APEX1: variants seen among roughly 807,000 people sequenced by gnomAD.
The protein encoded by APEX1 is apurinic/apyrimidinic endodeoxyribonuclease 1, also known as DNA repair nuclease/redox regulator APEX1.
Under a neutral mutation model 33.2 loss-of-function variants are expected in APEX1, and 32 were observed. The ratio of observed to expected loss-of-function variants is 0.96; its 90% CI spans 0.73 to 1.29. The LOEUF is 1.29. APEX1 is among the 50% of genes most tolerant of loss of function. The probability of loss-of-function intolerance (pLI) is 0.00; values close to 1 mark genes in which losing one functional copy is unlikely to be tolerated. For synonymous variants in APEX1, 175 were observed against 156.6 expected, an observed-to-expected ratio of 1.12 and a Z score of -0.88; for missense variants, 442 against 395.6, an observed-to-expected ratio of 1.12 and a Z score of -0.99.
Position 20,456,846 on chromosome 14 carries a change from T to C in APEX1, c.425T>C (p.Val142Ala). The C allele has an allele frequency of 6.2e-7, 1 of 1,614,078 alleles. No homozygotes were observed. The highest frequency in any genetic ancestry group is 8.5e-7 in the Non-Finnish European group (1 of 1,179,970). Residue 142 changes from valine (V) to alanine (A), a missense_variant, in exon 4 of 5, where the codon GTT becomes GCT. Transcript: ENST00000216714. ...GLLSRQCPLKVSYGIGDEEHD... is the reference protein window; with the variant it reads ...GLLSRQCPLKASYGIGDEEHD... ...CTTTCCCGCCAGTGCCCACTCAAAG[T>C]TTCTTACGGCATAGGTGAGACCCTA...
chr14:20,455,784 G>C, intron 2 of APEX1, 81 bp downstream of exon 2: 1 of 1,613,946 alleles, frequency 6.2e-7, no homozygotes, highest in Non-Finnish European at 8.5e-7. Flanking sequence ...GTAAGTACGG[G>C]CCGACTCATT....
Position 20,457,037 on chromosome 14 carries a change from T to C in APEX1, c.486T>C (p.Phe162=). 6.2e-7 allele frequency: 1 copy of C among 1,614,226 alleles called. No individual in the cohort carries two copies. The highest frequency in any genetic ancestry group is 8.5e-7 in the Non-Finnish European group (1 of 1,180,036). The part of the protein sequence containing the change: ...DQEGRVIVAE[F]DSFVLVTAYV... ...AAGGCCGGGTGATTGTGGCTGAATT[T>C]GACTCGTTTGTGCTGGTAACAGCAT... The change falls in exon 5 of 5, where the codon TTT becomes TTC. Residue 162 remains phenylalanine, a synonymous_variant. Coordinates refer to ENST00000216714, the MANE Select transcript of APEX1 (RefSeq NM_001641.4).
In APEX1 at chr14:20,455,693, G is replaced by C. The variant is rs1881288669; in HGVS notation, c.48G>C (p.Glu16Asp). 5 of 1,614,190 alleles carry C rather than the reference G, an allele frequency of 3.1e-6. No individual in the cohort carries two copies. The highest frequency in any genetic ancestry group is 4.2e-6 in the Non-Finnish European group (5 of 1,180,050). ...GAGCGGTGGCGGAAGACGGGGATGAGCTCAGGACAGGTAAGGGAATGAAAT... is the reference window on the plus strand; with the variant it reads ...GAGCGGTGGCGGAAGACGGGGATGACCTCAGGACAGGTAAGGGAATGAAAT... ...KKGAVAEDGD[E>D]LRTEPEAKKS... The change falls in exon 2 of 5, where the codon GAG (glutamate) becomes GAC (aspartate). Residue 16 changes from glutamate (E) to aspartate (D), a missense_variant. Physicochemically the swap from Glu to Asp is conservative, Grantham distance 45 (BLOSUM62 2). Transcript: ENST00000216714.
intron 2 of APEX1, 92 bp from the exon 3 acceptor site, chr14:20,455,822 G>A (rs1881302051): frequency 4.3e-6 from 7 of 1,613,722 alleles, no homozygotes; most frequent in Non-Finnish European, 5.9e-6. Context: ...AGAAGTCGCA[G>A]GAACCGTAGG....
At position 20,455,360 on chromosome 14, in the gene APEX1, C is replaced by A; in HGVS notation, c.-103C>A. The A allele has an allele frequency of 1.9e-6, 1 of 536,964 alleles. No homozygotes were observed. The highest frequency in any genetic ancestry group is 3.3e-6 in the Non-Finnish European group (1 of 298,570). The allele number at this position is 536,964 out of a possible 1,614,324, so 33.3% of individuals were successfully genotyped here. A position where few individuals can be genotyped will look rare whatever the true frequency, so the allele number is the denominator to read the frequency against. ...TTGAGTCAGGACCCTTAATTAAGAT[C>A]CTCAATTGGCTGGAGGGCAGATCTC... On this transcript the variant is annotated 5_prime_UTR_variant, in exon 1 of 5. Transcript: ENST00000216714.
Position 20,457,452 on chromosome 14 carries a change from C to T in APEX1, c.901C>T (p.Arg301Cys), listed in dbSNP as rs749097921. 21 of 1,614,074 alleles carry T rather than the reference C, an allele frequency of 1.3e-5. No homozygotes were observed. Among genetic ancestry groups the T allele is most frequent in the East Asian group, 6.7e-5 (3 of 44,902 alleles). ...LLPALCDSKIRSKALGSDHCP... is the reference protein window; with the variant it reads ...LLPALCDSKICSKALGSDHCP... ...ACCTGCATTGTGTGACAGCAAGATC[C>T]GTTCCAAGGCCCTCGGCAGTGATCA... Residue 301 changes from arginine to cysteine, a missense_variant, in exon 5 of 5, where the codon CGT becomes TGT. Arg to Cys is a radical substitution (Grantham distance 180). Coordinates refer to ENST00000216714, the MANE Select transcript of APEX1 (RefSeq NM_001641.4).
At chr14:20,456,128 AT>A in intron 3 of APEX1, 27 bp downstream of exon 3, 1 of 1,608,830 alleles carries the variant, frequency 6.2e-7, no homozygotes, top group Non-Finnish European at 8.5e-7. Context: ...GGAAAGAGAC[AT>A]TTTTTAGTAT....
chr14:20,457,001 G>A lies in APEX1; in HGVS notation c.450G>A (p.Glu150=). The A allele has an allele frequency of 6.2e-7, 1 of 1,613,986 alleles. No individual in the cohort carries two copies. The highest frequency in any genetic ancestry group is 8.5e-7 in the Non-Finnish European group (1 of 1,179,906). The change falls in exon 5 of 5, where the codon GAG becomes GAA. Residue 150 remains glutamate, a synonymous_variant. Transcript: ENST00000216714. Reference sequence around the variant, plus strand: ...GTTTCATTTCTATAGGCGATGAGGAGCATGATCAGGAAGGCCGGGTGATTG... The same window carrying A: ...GTTTCATTTCTATAGGCGATGAGGAACATGATCAGGAAGGCCGGGTGATTG... ...LKVSYGIGDE[E]HDQEGRVIVA...
intron 3 of APEX1, 36 bp from the exon 4 acceptor site, chr14:20,456,632 T>C: frequency 1.3e-6 from 2 of 1,578,366 alleles, no homozygotes; most frequent in South Asian, 1.1e-5. Context: ...TCTGCTGAAT[T>C]GATAATACGT....
chr14:20,455,265 G>A lies in APEX1; in HGVS notation c.-198G>A, dbSNP rs535917271. ...GGTTAGGAGGAGCTAGGCTGCCATC[G>A]GGCCGGTGCAGATACGGGGTTGCTC... On this transcript the variant is annotated 5_prime_UTR_variant, in exon 1 of 5. Transcript: ENST00000216714. 2 of 387,786 alleles carry A rather than the reference G, an allele frequency of 5.2e-6. No individual in the cohort carries two copies. Among genetic ancestry groups the A allele is most frequent in the East Asian group, 5.8e-5 (1 of 17,104 alleles). 24.0% of individuals were successfully genotyped at this position (387,786 alleles called of 1,614,324 possible).
In APEX1 at chr14:20,455,654, G is replaced by A; in HGVS notation, c.9G>A (p.Lys3=). 1.2e-6 allele frequency: 2 copies of A among 1,613,802 alleles called. No individual in the cohort carries two copies. Among genetic ancestry groups the A allele is most frequent in the Non-Finnish European group, 1.7e-6 (2 of 1,180,040 alleles). MP[K]RGKKGAVAED... ...GGGCGTTCGTAACGGGAATGCCGAA[G>A]CGTGGGAAAAAGGGAGCGGTGGCGG... The change falls in exon 2 of 5, where the codon AAG becomes AAA. Residue 3 remains lysine (K), a synonymous_variant. Coordinates refer to ENST00000216714, the MANE Select transcript of APEX1 (RefSeq NM_001641.4).
chr14:20,455,620 G>A lies in APEX1; in HGVS notation c.-26G>A. On this transcript the variant is annotated 5_prime_UTR_variant, in exon 2 of 5. Transcript: ENST00000216714. Reference sequence around the variant, plus strand: ...TTGCTTCGGTGGGTGACGCGGTACAGCTGCCCAAGGGCGTTCGTAACGGGA... The same window carrying A: ...TTGCTTCGGTGGGTGACGCGGTACAACTGCCCAAGGGCGTTCGTAACGGGA... 1 of 1,612,780 alleles carries A rather than the reference G, an allele frequency of 6.2e-7. No homozygotes were observed. The highest frequency in any genetic ancestry group is 8.5e-7 in the Non-Finnish European group (1 of 1,180,026).
chr14:20,456,955 A>G (rs1276732407), intron 4 of APEX1, 36 bp from the exon 5 acceptor site: 8 of 1,608,018 alleles, frequency 5.0e-6, no homozygotes, highest in Non-Finnish European at 6.8e-6. Flanking sequence ...CCCTTTTCTT[A>G]TAGTTTTTTA....
rs760806966 is a variant in APEX1 at position 20,456,069 on chromosome 14, C to T, written c.214C>T (p.Leu72Phe). The T allele has an allele frequency of 3.7e-6, 6 of 1,614,178 alleles. No homozygotes were observed. Among genetic ancestry groups the T allele is most frequent in the Middle Eastern group, 1.6e-4 (1 of 6,062 alleles). The change falls in exon 3 of 5, where the codon CTT (leucine) becomes TTT (phenylalanine). Residue 72 changes from leucine to phenylalanine, a missense_variant. Physicochemically the swap from Leu to Phe is conservative, Grantham distance 22 (BLOSUM62 0). Transcript: ENST00000216714. ...LKICSWNVDGLRAWIKKKGLD... is the reference protein window; with the variant it reads ...LKICSWNVDGFRAWIKKKGLD... ...GATCTGCTCTTGGAATGTGGATGGG[C>T]TTCGAGCCTGGATTAAGAAGAAAGG...
At chr14:20,455,539 C>T in intron 1 of APEX1, 39 bp from the exon 2 acceptor site, 1 of 1,588,896 alleles carries the variant, frequency 6.3e-7, no homozygotes, top group Non-Finnish European at 8.6e-7. Context: ...AGTCTTCTCC[C>T]CAGCCTTAGC....
rs565835054 is a variant in APEX1 at position 20,457,418 on chromosome 14, C to A, written c.867C>A (p.His289Gln). 4 of 1,614,128 alleles carry A rather than the reference C, an allele frequency of 2.5e-6. No homozygotes were observed. The African/African-American group carries it at 5.3e-5, about 22-fold the overall frequency. Residue 289 changes from histidine to glutamine, a missense_variant, in exon 5 of 5, where the codon CAC becomes CAA. Transcript: ENST00000216714. ...GCCTTGATTACTTTTTGTTGTCCCACTCTCTGTTACCTGCATTGTGTGACA... is the reference window on the plus strand; with the variant it reads ...GCCTTGATTACTTTTTGTTGTCCCAATCTCTGTTACCTGCATTGTGTGACA... The part of the protein sequence containing the change: ...GWRLDYFLLS[H>Q]SLLPALCDSK...
At chr14:20,455,432 A>G in intron 1 of APEX1, 38 bp downstream of exon 1, 1 of 701,922 alleles carries the variant, frequency 1.4e-6, no homozygotes, top group Non-Finnish European at 2.4e-6. Flanking sequence ...TTCGTGGGTG[A>G]GGGGCTGAAG....
At position 20,456,998 on chromosome 14, in the gene APEX1, G is replaced by A. The variant is rs769377757; in HGVS notation, c.447G>A (p.Glu149=). 6.8e-6 allele frequency: 11 copies of A among 1,613,818 alleles called. No individual in the cohort carries two copies. In the Admixed American group the frequency reaches 1.7e-4, roughly 24 times the overall value. The part of the protein sequence containing the change: ...PLKVSYGIGD[E]EHDQEGRVIV... ...TCTGTTTCATTTCTATAGGCGATGA[G>A]GAGCATGATCAGGAAGGCCGGGTGA... is the stretch of plus-strand genomic sequence containing the variant. The change falls in exon 5 of 5, where the codon GAG becomes GAA. Residue 149 remains glutamate, a synonymous_variant. Transcript: ENST00000216714.
In APEX1 at chr14:20,455,621, C is replaced by CT. The variant is rs1260798151; in HGVS notation, c.-24dup. 1 of 1,612,788 alleles carries CT rather than the reference C, an allele frequency of 6.2e-7. No homozygotes were observed. Among genetic ancestry groups the CT allele is most frequent in the East Asian group, 2.2e-5 (1 of 44,884 alleles). ...TGCTTCGGTGGGTGACGCGGTACAG[C>CT]TGCCCAAGGGCGTTCGTAACGGGAA... is the stretch of plus-strand genomic sequence containing the variant. On this transcript the variant is annotated 5_prime_UTR_variant, in exon 2 of 5. Coordinates refer to ENST00000216714, the MANE Select transcript of APEX1 (RefSeq NM_001641.4).
Sources: gnomAD v4.1 joint callset for allele counts on GRCh38, gnomAD v4.1.1 for gene constraint, MANE v1.5 for transcripts, NCBI Gene and HGNC (gene_info 2026-07-23, HGNC 2026-07-21) for gene names.